Variants in GABBR2 observed in about 807,000 individuals in gnomAD.
GABBR2 encodes the protein G-protein coupled receptor 51.
In GABBR2, 23 loss-of-function variants were observed where a neutral mutation model predicts 105.6. That is an observed-to-expected ratio of 0.22 (90% CI 0.16 to 0.31). The LOEUF (loss-of-function observed/expected upper bound fraction) is 0.31. Ranked by LOEUF, GABBR2 falls within the 10% of genes least tolerant of loss-of-function variation. The pLI, the probability that GABBR2 is intolerant of heterozygous loss-of-function variation, is 1.00. For synonymous variants in GABBR2, 478 were observed against 499.7 expected, an observed-to-expected ratio of 0.96 and a Z score of 0.58; for missense variants, 734 against 1,245.5, an observed-to-expected ratio of 0.59 and a Z score of 6.18.
chr9:98,668,798 A>C (rs1350580882), intron 1 of GABBR2, among the ~76,000 whole-genome samples: 2 of 152,060 alleles, frequency 1.3e-5, no homozygotes, highest in East Asian at 3.8e-4. Context: ...TCTGTATTAC[A>C]CTTAGCAGTA....
At chr9:98,681,998 G>T (rs1167504011) in intron 1 of GABBR2, among the ~76,000 whole-genome samples, 1 of 152,148 alleles carries the variant, frequency 6.6e-6, no homozygotes, top group Admixed American at 6.5e-5. Flanking sequence ...ACTTTGGGGG[G>T]TGGAGACAGG....
chr9:98,494,495 T>A (rs138725872), intron 4 of GABBR2, among the ~76,000 whole-genome samples: 10 of 152,302 alleles, frequency 6.6e-5, no homozygotes, highest in African/African-American at 2.4e-4. Flanking sequence ...ACTGAAATCC[T>A]TTCTCAGAAG....
chr9:98,686,958 G>T (rs1830628342), intron 1 of GABBR2, among the ~76,000 whole-genome samples: 1 of 151,880 alleles, frequency 6.6e-6, no homozygotes, highest in African/African-American at 2.4e-5. Context: ...CAGAGTCAGT[G>T]CTTCTAAACA....
chr9:98,466,004 G>A (rs886935798), intron 6 of GABBR2, among the ~76,000 whole-genome samples: 21 of 152,098 alleles, frequency 1.4e-4, no homozygotes, highest in African/African-American at 4.8e-4. Flanking sequence ...ACAAGATCGG[G>A]TTGTTTAAAA....
At chr9:98,669,966 G>A (rs537128051) in intron 1 of GABBR2, among the ~76,000 whole-genome samples, 121 of 150,858 alleles carry the variant, frequency 8.0e-4, no homozygotes, top group Non-Finnish European at 1.0e-3. Context: ...CGAAGCAAGC[G>A]ACCAGGGCGG....
intron 7 of GABBR2, among the ~76,000 whole-genome samples, chr9:98,447,386 A>C (rs983339953): frequency 1.3e-5 from 2 of 152,142 alleles, no homozygotes; most frequent in Admixed American, 6.5e-5. Context: ...TCTATGAGTA[A>C]ATGATGATAT....
chr9:98,620,778 G>A (rs1003456193), intron 1 of GABBR2, among the ~76,000 whole-genome samples: 7 of 152,230 alleles, frequency 4.6e-5, no homozygotes, highest in East Asian at 1.9e-4. Context: ...TTATTGCTCC[G>A]GTGGAGGGAG....
At chr9:98,418,138 A>G (rs1832720662) in intron 7 of GABBR2, among the ~76,000 whole-genome samples, 1 of 152,176 alleles carries the variant, frequency 6.6e-6, no homozygotes, top group African/African-American at 2.4e-5. Context: ...CTTTTGTGGA[A>G]AATGGATGGG....
At chr9:98,349,401 G>GGAGT (rs1831358263) in intron 13 of GABBR2, among the ~76,000 whole-genome samples, 1 of 134,812 alleles carries the variant, frequency 7.4e-6, no homozygotes, top group Non-Finnish European at 1.5e-5. Flanking sequence ...TGCCCAGGCT[G>GGAGT]GAGTGCAATG....
chr9:98,356,264 AT>A, intron 13 of GABBR2, among the ~76,000 whole-genome samples: 1 of 152,376 alleles, frequency 6.6e-6, no homozygotes, highest in African/African-American at 2.4e-5. Flanking sequence ...GAGAGAAAAT[AT>A]TTATGAAACA....
chr9:98,593,541 C>A (rs1337643631), intron 1 of GABBR2, among the ~76,000 whole-genome samples: 9 of 152,122 alleles, frequency 5.9e-5, no homozygotes, highest in Non-Finnish European at 1.2e-4. Flanking sequence ...GCCACCAGGA[C>A]CCCCTGAGGT....
At chr9:98,420,290 G>A (rs1832759626) in intron 7 of GABBR2, among the ~76,000 whole-genome samples, 1 of 152,128 alleles carries the variant, frequency 6.6e-6, no homozygotes, top group African/African-American at 2.4e-5. Context: ...GCCTGGCTCA[G>A]CCCCAGCCCA....
chr9:98,502,387 T>C (rs1827418964), intron 3 of GABBR2, among the ~76,000 whole-genome samples: 1 of 152,110 alleles, frequency 6.6e-6, no homozygotes, highest in Non-Finnish European at 1.5e-5. Flanking sequence ...CCTGCACCTC[T>C]CCATTAAACA....
chr9:98,369,739 T>A (rs553399800), intron 12 of GABBR2, among the ~76,000 whole-genome samples: 45 of 151,956 alleles, frequency 3.0e-4, no homozygotes, highest in Admixed American at 5.2e-4. Flanking sequence ...ACAGTGAGGA[T>A]CTGCAGAGGA....
chr9:98,464,144 G>T (rs1355153023), intron 6 of GABBR2, among the ~76,000 whole-genome samples: 2 of 151,682 alleles, frequency 1.3e-5, no homozygotes, highest in Admixed American at 6.6e-5. Context: ...CGTCTGGGAG[G>T]TGAGGAGCGC....
intron 1 of GABBR2, among the ~76,000 whole-genome samples, chr9:98,704,018 A>G (rs1356777506): frequency 6.6e-6 from 1 of 152,086 alleles, no homozygotes; most frequent in African/African-American, 2.4e-5. Context: ...AACCATCTCC[A>G]CTATCATTCT....
At chr9:98,433,413 A>T (rs1825846812) in intron 7 of GABBR2, among the ~76,000 whole-genome samples, 4 of 152,246 alleles carry the variant, frequency 2.6e-5, no homozygotes, top group Admixed American at 2.6e-4. Context: ...CACTAAGGAT[A>T]TACTAGAGTC....
intron 2 of GABBR2, among the ~76,000 whole-genome samples, chr9:98,577,228 A>ATGGTTAGG (rs769775744): frequency 6.6e-6 from 1 of 151,132 alleles, no homozygotes; most frequent in Admixed American, 6.6e-5. Flanking sequence ...GGATGGATGG[A>ATGGTTAGG]GCAAAAAAGT....
intron 13 of GABBR2, among the ~76,000 whole-genome samples, chr9:98,335,413 C>T (rs1234519757): frequency 6.6e-6 from 1 of 152,164 alleles, no homozygotes; most frequent in African/African-American, 2.4e-5. Flanking sequence ...CTATTTATCA[C>T]CCTGGTATCC....
Sources: gnomAD v4.1 joint callset for allele counts (sites outside exome capture counted in the v4.1 genomes callset) on GRCh38, gnomAD v4.1.1 for gene constraint, MANE v1.5 for transcripts, NCBI Gene and HGNC (gene_info 2026-07-23, HGNC 2026-07-21) for gene names.